Variants in JAZF1 observed in about 807,000 individuals in gnomAD.
The protein encoded by JAZF1 is JAZF zinc finger 1, also known as juxtaposed with another zinc finger protein 1.
Under a neutral mutation model 26.4 loss-of-function variants are expected in JAZF1, and 8 were observed. That is an observed-to-expected ratio of 0.30 (90% confidence interval 0.18 to 0.55). JAZF1 has a LOEUF of 0.55. JAZF1 is among the 20% of genes least tolerant of loss of function. JAZF1 has a pLI of 0.94. For synonymous variants in JAZF1, 126 were observed against 122.3 expected, an observed-to-expected ratio of 1.03 and a Z score of -0.20; for missense variants, 199 against 322.0, an observed-to-expected ratio of 0.62 and a Z score of 2.92.
intron 1 of JAZF1, 75 bp downstream of exon 1, chr7:28,180,387 TG>T: frequency 1.3e-6 from 1 of 781,672 alleles, no homozygotes; most frequent in Non-Finnish European, 1.9e-6. Context: ...CGGCCACCCC[TG>T]GCCATTCCGG....
intron 1 of JAZF1, among the ~76,000 whole-genome samples, chr7:28,144,072 T>A (rs1260711776): frequency 6.6e-6 from 1 of 152,146 alleles, no homozygotes; most frequent in East Asian, 1.9e-4. Flanking sequence ...TAGGAACAGG[T>A]TCTGCATTTG....
At chr7:27,893,877 G>T (rs1007474204) in intron 3 of JAZF1, among the ~76,000 whole-genome samples, 1 of 152,184 alleles carries the variant, frequency 6.6e-6, no homozygotes, top group African/African-American at 2.4e-5. Context: ...TCTGCTCAGG[G>T]TCCAGAGTGC....
At chr7:27,869,011 C>T (rs2128337525) in intron 3 of JAZF1, among the ~76,000 whole-genome samples, 1 of 152,270 alleles carries the variant, frequency 6.6e-6, no homozygotes, top group African/African-American at 2.4e-5. Context: ...TTCAGGGCCT[C>T]TCTGGATACA....
intron 1 of JAZF1, among the ~76,000 whole-genome samples, chr7:27,993,448 C>T (rs899968263): frequency 2.0e-5 from 3 of 152,188 alleles, no homozygotes; most frequent in South Asian, 2.1e-4. Context: ...AGTTTTCAAA[C>T]GTAACTCTTA....
At chr7:28,145,035 C>T (rs1335655144) in intron 1 of JAZF1, among the ~76,000 whole-genome samples, 5 of 152,184 alleles carry the variant, frequency 3.3e-5, no homozygotes, top group South Asian at 2.1e-4. Context: ...TATCCAAACA[C>T]GTTCAATACT....
chr7:28,164,225 C>A (rs765741056), intron 1 of JAZF1, among the ~76,000 whole-genome samples: 18 of 152,206 alleles, frequency 1.2e-4, no homozygotes, highest in Non-Finnish European at 2.2e-4. Context: ...AACCACAGTG[C>A]CCCTGCAGAC....
intron 1 of JAZF1, among the ~76,000 whole-genome samples, chr7:28,125,173 C>T (rs1782675462): frequency 7.1e-6 from 1 of 141,354 alleles, no homozygotes; most frequent in African/African-American, 2.6e-5. Context: ...TGTTAACCCA[C>T]AATTTGGAAG....
At chr7:28,103,956 C>T (rs1461404268) in intron 1 of JAZF1, among the ~76,000 whole-genome samples, 3 of 152,204 alleles carry the variant, frequency 2.0e-5, no homozygotes, top group Non-Finnish European at 4.4e-5. Context: ...CTCAAAAGCG[C>T]AAACTGGCCT....
At chr7:28,148,962 C>T (rs930700246) in intron 1 of JAZF1, among the ~76,000 whole-genome samples, 2 of 152,198 alleles carry the variant, frequency 1.3e-5, no homozygotes, top group African/African-American at 2.4e-5. Flanking sequence ...TTTCTACTTA[C>T]GTTGGCTTTA....
Position 28,105,548 on chromosome 7 carries a change from T to G in JAZF1, c.115+74915A>C, listed in dbSNP as rs113290912. On this transcript the variant is annotated intron_variant, in intron 1 of 4. Coordinates refer to ENST00000283928, the MANE Select transcript of JAZF1 (RefSeq NM_175061.4). ...AGCTGCACTGAGTTCACCTTTTAGT[T>G]TGACAAAAGGATTTCCTTCGTCACA... Among the ~76,000 whole-genome samples, 545 of 152,322 alleles carry G rather than the reference T, an allele frequency of 3.6e-3. 1 individual carries two copies. Among genetic ancestry groups the G allele is most frequent in the Admixed American group, 6.9e-3 (105 of 15,298 alleles).
intron 1 of JAZF1, among the ~76,000 whole-genome samples, chr7:28,153,078 G>C (rs899036562): frequency 6.6e-6 from 1 of 152,074 alleles, no homozygotes; most frequent in Non-Finnish European, 1.5e-5. Context: ...AACTTCCAGA[G>C]ACCAATGTCC....
chr7:27,993,728 G>C (rs10231892), intron 1 of JAZF1, among the ~76,000 whole-genome samples: 1 of 152,146 alleles, frequency 6.6e-6, no homozygotes, highest in African/African-American at 2.4e-5. Context: ...AGGTAAGAAA[G>C]AACAGGGCAA....
At chr7:28,174,289 G>A (rs1405833725) in intron 1 of JAZF1, among the ~76,000 whole-genome samples, 1 of 152,154 alleles carries the variant, frequency 6.6e-6, no homozygotes, top group Non-Finnish European at 1.5e-5. Context: ...AGAAAAGGAG[G>A]ATTTTTAAGG....
intron 1 of JAZF1, among the ~76,000 whole-genome samples, chr7:28,167,759 C>G (rs1050296733): frequency 2.0e-5 from 3 of 152,048 alleles, no homozygotes; most frequent in Admixed American, 1.3e-4. Context: ...AGGATTAAGG[C>G]TTATCATTTT....
In JAZF1 at chr7:27,839,151, C is replaced by T. The variant is rs552256981; in HGVS notation, c.555+1547G>A. On this transcript the variant is annotated intron_variant, in intron 4 of 4. Coordinates refer to ENST00000283928, the MANE Select transcript of JAZF1 (RefSeq NM_175061.4). Reference sequence around the variant, plus strand: ...CCTCCCCTGCACCCTGTGCCCAGAACCCAGGGCGTAGCTTGTATTTCCTTT... The same window carrying T: ...CCTCCCCTGCACCCTGTGCCCAGAATCCAGGGCGTAGCTTGTATTTCCTTT... 2.0e-5 allele frequency among the ~76,000 whole-genome samples: 3 copies of T among 152,356 alleles called. No individual in the cohort carries two copies. The South Asian group carries it at 6.2e-4, about 32-fold the overall frequency.
chr7:28,058,062 G>A (rs370488751), intron 1 of JAZF1, among the ~76,000 whole-genome samples: 2 of 152,180 alleles, frequency 1.3e-5, no homozygotes, highest in African/African-American at 4.8e-5. Context: ...TACCAGTGAC[G>A]TGACAGGAGG....
chr7:27,869,972 G>A (rs1268249459), intron 3 of JAZF1, among the ~76,000 whole-genome samples: 3 of 152,010 alleles, frequency 2.0e-5, no homozygotes, highest in East Asian at 1.9e-4. Flanking sequence ...GCAGTGGCAC[G>A]ATACTGGCTC....
chr7:27,852,914 G>T (rs1783177996), intron 3 of JAZF1, among the ~76,000 whole-genome samples: 1 of 152,052 alleles, frequency 6.6e-6, no homozygotes, highest in Non-Finnish European at 1.5e-5. Context: ...TGGCCTCCTG[G>T]CTCTTTTGGT....
chr7:28,010,195 T>C (rs1382270056), intron 1 of JAZF1, among the ~76,000 whole-genome samples: 1 of 152,160 alleles, frequency 6.6e-6, no homozygotes, highest in Non-Finnish European at 1.5e-5. Flanking sequence ...TTGCCTTTGG[T>C]TAGGTTCAGA....
Sources: allele counts gnomAD v4.1 joint callset (sites outside exome capture counted in the v4.1 genomes callset), GRCh38; gene constraint gnomAD v4.1.1; transcripts MANE v1.5; gene names NCBI Gene and HGNC (gene_info 2026-07-23, HGNC 2026-07-21).